Variants in DDR2 observed in about 807,000 individuals in gnomAD.
DDR2 encodes the protein discoidin domain receptor tyrosine kinase 2.
DDR2 carries 27 observed loss-of-function variants against 94.9 expected under a neutral mutation model. The observed-to-expected ratio is 0.28, with a 90% CI of 0.21 to 0.39. The LOEUF (loss-of-function observed/expected upper bound fraction) is 0.39. Ranked by LOEUF, DDR2 falls within the 10% of genes least tolerant of loss-of-function variation. DDR2 has a pLI of 1.00. For synonymous variants in DDR2, 382 were observed against 377.2 expected (o/e 1.01, Z -0.15); for missense variants, 783 against 1,076.0 (o/e 0.73, Z 3.81).
At chr1:162,778,257 A>G (rs1308279765) in intron 16 of DDR2, among the ~76,000 whole-genome samples, 2 of 152,148 alleles carry the variant, frequency 1.3e-5, no homozygotes, top group Non-Finnish European at 2.9e-5. Flanking sequence ...TTGACTTCCC[A>G]TTCAGATTTT....
intron 2 of DDR2, among the ~76,000 whole-genome samples, chr1:162,669,540 A>G (rs1209770880): frequency 3.3e-5 from 5 of 152,248 alleles, no homozygotes; most frequent in African/African-American, 1.2e-4. Flanking sequence ...ATGCGTGTGT[A>G]GGTATACTTA....
chr1:162,721,899 A>T (rs1212934852), intron 3 of DDR2, among the ~76,000 whole-genome samples: 2 of 152,250 alleles, frequency 1.3e-5, no homozygotes, highest in Non-Finnish European at 2.9e-5. Flanking sequence ...CATTAAACTC[A>T]ATAAAATAAA....
In DDR2 at chr1:162,767,061, G is replaced by GAA. The variant is rs5778292; in HGVS notation, c.1163-165_1163-164dup. Among the ~76,000 whole-genome samples, 38,046 of 145,256 alleles carry GAA rather than the reference G, an allele frequency of 0.26. 6,782 individuals carry two copies. Among genetic ancestry groups the GAA allele is most frequent in the African/African-American group, 0.48 (18,797 of 39,532 alleles). On this transcript the variant is annotated intron_variant, in intron 10 of 17. Transcript: ENST00000367921. Reference sequence around the variant, plus strand: ...AAAAAAAGTAATAAAACAGTAGCAAGAAAACAAAACAGTAGCAAGAGCAAG... The same window carrying GAA: ...AAAAAAAGTAATAAAACAGTAGCAAGAAAAAACAAAACAGTAGCAAGAGCAAG...
At chr1:162,774,281 GA>G (rs1281725646) in intron 14 of DDR2, among the ~76,000 whole-genome samples, 2 of 152,202 alleles carry the variant, frequency 1.3e-5, no homozygotes, top group African/African-American at 2.4e-5. Context: ...CAAGCTGGTT[GA>G]AAGCTGGCTG....
intron 2 of DDR2, among the ~76,000 whole-genome samples, chr1:162,710,842 C>T (rs1660877887): frequency 6.6e-6 from 1 of 152,052 alleles, no homozygotes; most frequent in African/African-American, 2.4e-5. Flanking sequence ...CTCTTTTCCC[C>T]TTCATACTCC....
intron 1 of DDR2, among the ~76,000 whole-genome samples, chr1:162,633,952 G>A (rs1035680748): frequency 1.3e-5 from 2 of 152,192 alleles, no homozygotes; most frequent in Non-Finnish European, 2.9e-5. Flanking sequence ...TTAGAGAAGC[G>A]AAATGAGTTG....
intron 2 of DDR2, among the ~76,000 whole-genome samples, chr1:162,669,795 T>C (rs556179865): frequency 2.6e-5 from 4 of 152,354 alleles, no homozygotes; most frequent in African/African-American, 7.2e-5. Context: ...ATATTATTTT[T>C]CCTGCTTTTG....
At chr1:162,705,116 C>G (rs191032980) in intron 2 of DDR2, 1 of 152,402 alleles carries the variant, frequency 6.6e-6, no homozygotes, top group East Asian at 1.9e-4. Flanking sequence ...GCTGGACTCT[C>G]CTGGCTCTCC....
At position 162,780,344 on chromosome 1, in the gene DDR2, A is replaced by T; in HGVS notation, c.*98A>T. On this transcript the variant is annotated 3_prime_UTR_variant, in exon 18 of 18. Coordinates refer to ENST00000367921, the MANE Select transcript of DDR2 (RefSeq NM_006182.4). Reference sequence around the variant, plus strand: ...GCCACTCCATCTGGACATTTAATGAAACTGAGAGACAGAGGCTTGTTTGCT... The same window carrying T: ...GCCACTCCATCTGGACATTTAATGATACTGAGAGACAGAGGCTTGTTTGCT... 1 of 1,566,068 alleles carries T rather than the reference A, an allele frequency of 6.4e-7. No individual in the cohort carries two copies. Among genetic ancestry groups the T allele is most frequent in the South Asian group, 1.1e-5 (1 of 88,178 alleles).
chr1:162,725,665 G>A (rs776800478), intron 3 of DDR2, among the ~76,000 whole-genome samples: 1 of 152,184 alleles, frequency 6.6e-6, no homozygotes. Context: ...CCGGCCACAA[G>A]CATGCTCTTG....
chr1:162,702,929 G>C (rs201870599), intron 2 of DDR2, among the ~76,000 whole-genome samples: 92 of 151,232 alleles, frequency 6.1e-4, no homozygotes, highest in African/African-American at 1.5e-3. Context: ...CTCTCTCTCT[G>C]TGTGTGTGTA....
At chr1:162,750,966 C>T (rs1253926337) in intron 3 of DDR2, among the ~76,000 whole-genome samples, 1 of 152,150 alleles carries the variant, frequency 6.6e-6, no homozygotes, top group Non-Finnish European at 1.5e-5. Context: ...AAATTCGATC[C>T]CTTCCTTACA....
At chr1:162,713,158 G>A (rs1418485318) in intron 2 of DDR2, among the ~76,000 whole-genome samples, 2 of 152,154 alleles carry the variant, frequency 1.3e-5, no homozygotes, top group Non-Finnish European at 2.9e-5. Flanking sequence ...ATAGAAACAG[G>A]CAGTAATTCT....
intron 2 of DDR2, among the ~76,000 whole-genome samples, chr1:162,689,492 CG>C (rs1553243934): frequency 6.6e-6 from 1 of 152,014 alleles, no homozygotes; most frequent in Non-Finnish European, 1.5e-5. Flanking sequence ...GCTATCTCAC[CG>C]GTCCCCTGTC....
chr1:162,656,077 A>ATGG (rs1485288435), intron 2 of DDR2, among the ~76,000 whole-genome samples: 1 of 152,192 alleles, frequency 6.6e-6, no homozygotes, highest in Non-Finnish European at 1.5e-5. Flanking sequence ...TTTGGTCTGA[A>ATGG]TGGGACTTCT....
rs904956590 is a variant in DDR2 at position 162,745,618 on chromosome 1, T to G, written c.83-7477T>G. ...CCATTGTTTATTTTTGACACTCTTGTTGAAGATCAGTTGACCTGTGTGGGT... is the reference window on the plus strand; with the variant it reads ...CCATTGTTTATTTTTGACACTCTTGGTGAAGATCAGTTGACCTGTGTGGGT... On this transcript the variant is annotated intron_variant, in intron 3 of 17. Transcript: ENST00000367921. Among the ~76,000 whole-genome samples the G allele has an allele frequency of 3.3e-5, 5 of 152,278 alleles. No individual in the cohort carries two copies. The South Asian group carries it at 1.0e-3, about 32-fold the overall frequency.
rs2102205987 is a variant in DDR2, at chr1:162,778,591, T to C, written c.2295T>C (p.Thr765=). Residue 765 remains threonine (T), a synonymous_variant, in exon 17 of 18, where the codon ACT becomes ACC. Transcript: ENST00000367921. ...CTTTACTTAAATAGGGCAAGTTCAC[T>C]ACAGCAAGTGATGTGTGGGCCTTTG... ...SWESILLGKF[T]TASDVWAFGV... is the part of the protein sequence containing the mutation. 3 of 1,614,026 alleles carry C rather than the reference T, an allele frequency of 1.9e-6. No homozygotes were observed. Among genetic ancestry groups the C allele is most frequent in the Non-Finnish European group, 2.5e-6 (3 of 1,179,908 alleles).
In DDR2 at chr1:162,754,671, T is replaced by G; in HGVS notation, c.233T>G (p.Val78Gly). ...GGAGCCTGGTGCCCTGAGATTCCAG[T>G]GGAACCTGATGACCTGAAGGAGTTT... ...GDGAWCPEIPVEPDDLKEFLQ... is the reference protein window; with the variant it reads ...GDGAWCPEIPGEPDDLKEFLQ... Residue 78 changes from valine (V) to glycine (G), a missense_variant, in exon 5 of 18, where the codon GTG (valine) becomes GGG (glycine). By Grantham distance (109) the Val-to-Gly change is moderately radical. Coordinates refer to ENST00000367921, the MANE Select transcript of DDR2 (RefSeq NM_006182.4). 6.2e-7 allele frequency: 1 copy of G among 1,613,984 alleles called. No homozygotes were observed. Among genetic ancestry groups the G allele is most frequent in the East Asian group, 2.2e-5 (1 of 44,886 alleles).
At chr1:162,645,538 A>T (rs1289247394) in intron 1 of DDR2, among the ~76,000 whole-genome samples, 1 of 152,248 alleles carries the variant, frequency 6.6e-6, no homozygotes, top group Non-Finnish European at 1.5e-5. Flanking sequence ...GGTTTTGTTG[A>T]AACTAATCAC....
Sources: gnomAD v4.1 joint callset for allele counts (sites outside exome capture counted in the v4.1 genomes callset) on GRCh38, gnomAD v4.1.1 for gene constraint, MANE v1.5 for transcripts, NCBI Gene and HGNC (gene_info 2026-07-23, HGNC 2026-07-21) for gene names.